Variants in ASIC2 observed in about 807,000 individuals in gnomAD.
The protein encoded by ASIC2 is acid sensing ion channel subunit 2, also known as acid-sensing ion channel 2.
Under a neutral mutation model 57.3 loss-of-function variants are expected in ASIC2, and 25 were observed. The ratio of observed to expected loss-of-function variants is 0.44; its 90% CI spans 0.32 to 0.61. ASIC2 has a LOEUF of 0.61. Ranked by LOEUF, ASIC2 falls within the 20% of genes least tolerant of loss-of-function variation. ASIC2 has a pLI of 0.06. For synonymous variants in ASIC2, 319 were observed against 307.5 expected (o/e 1.04, Z -0.39); for missense variants, 641 against 738.1 (o/e 0.87, Z 1.52).
chr17:33,906,394 G>C (rs191746663), intron 1 of ASIC2, among the ~76,000 whole-genome samples: 2 of 152,256 alleles, frequency 1.3e-5, no homozygotes, highest in Admixed American at 1.3e-4. Context: ...CTCCTAAAAA[G>C]TTCCCCCAGC....
intron 1 of ASIC2, among the ~76,000 whole-genome samples, chr17:33,898,584 G>C (rs1251258951): frequency 6.6e-6 from 1 of 152,020 alleles, no homozygotes; most frequent in East Asian, 1.9e-4. Context: ...TCAAAACCGG[G>C]AAATTAACAG....
chr17:33,845,654 C>T (rs1913573259), intron 1 of ASIC2, among the ~76,000 whole-genome samples: 3 of 152,158 alleles, frequency 2.0e-5, no homozygotes. Flanking sequence ...TGAATACCTG[C>T]CAGATAGAGG....
chr17:33,221,050 C>T (rs1311093646), intron 1 of ASIC2, among the ~76,000 whole-genome samples: 1 of 151,946 alleles, frequency 6.6e-6, no homozygotes, highest in Non-Finnish European at 1.5e-5. Flanking sequence ...CAGCCTGGGC[C>T]ACAGAGAGAG....
At chr17:33,037,130 C>A (rs372395424) in intron 3 of ASIC2, among the ~76,000 whole-genome samples, 314 of 125,442 alleles carry the variant, frequency 2.5e-3, no homozygotes, top group Admixed American at 3.9e-3. Flanking sequence ...GGTGTGGTAG[C>A]AAAAAAAAAA....
rs140544104 is a variant in ASIC2 at position 33,751,658 on chromosome 17, G to A, written c.555+404320C>T. Among the ~76,000 whole-genome samples the A allele has an allele frequency of 2.6e-5, 4 of 152,024 alleles. No individual in the cohort carries two copies. The East Asian group carries it at 5.8e-4, about 22-fold the overall frequency. On this transcript the variant is annotated intron_variant, in intron 1 of 9. Transcript: ENST00000359872. ...ATCCATTCTGTTTTTCAACTCTTCTGTATAACGTTTTGGTTTACTTTTTCT... is the reference window on the plus strand; with the variant it reads ...ATCCATTCTGTTTTTCAACTCTTCTATATAACGTTTTGGTTTACTTTTTCT...
chr17:33,427,763 C>T (rs961652403), intron 1 of ASIC2, among the ~76,000 whole-genome samples: 7 of 152,162 alleles, frequency 4.6e-5, no homozygotes, highest in African/African-American at 7.2e-5. Context: ...GAAAATGGCC[C>T]CCAAAGAACC....
intron 1 of ASIC2, among the ~76,000 whole-genome samples, chr17:34,034,128 C>A (rs1907754139): frequency 1.3e-5 from 2 of 152,162 alleles, no homozygotes; most frequent in South Asian, 4.1e-4. Flanking sequence ...TACTGGCAAA[C>A]CGAATCCAGC....
In ASIC2 at chr17:33,632,490, G is replaced by C. The variant is rs113745026; in HGVS notation, c.556-520423C>G. On this transcript the variant is annotated intron_variant, in intron 1 of 9. Coordinates refer to the ASIC2 transcript ENST00000359872. ...CACATGTTTTGTAGGCCAGTCAGAA[G>C]ATCGTACTCCACCCCTACCCCCAAC... 2.6e-5 allele frequency among the ~76,000 whole-genome samples: 4 copies of C among 152,246 alleles called. 1 individual carries two copies. The highest frequency in any genetic ancestry group is 9.6e-5 in the African/African-American group (4 of 41,544).
chr17:33,295,168 C>G (rs1045600814), upstream of ASIC2, among the ~76,000 whole-genome samples: 2 of 149,858 alleles, frequency 1.3e-5, no homozygotes, highest in Admixed American at 6.7e-5. Context: ...AGCTATTTCC[C>G]CCTTGAAATG....
intron 1 of ASIC2, among the ~76,000 whole-genome samples, chr17:33,487,986 A>T (rs1913628760): frequency 6.6e-6 from 1 of 152,222 alleles, no homozygotes; most frequent in Admixed American, 6.5e-5. Flanking sequence ...CTCAACTTGC[A>T]GATGGCCTAT....
chr17:33,325,781 T>C (rs530354139), intron 1 of ASIC2, among the ~76,000 whole-genome samples: 2 of 151,942 alleles, frequency 1.3e-5, no homozygotes, highest in Non-Finnish European at 2.9e-5. Flanking sequence ...GGAGGGGCAG[T>C]GGTGATGGGA....
intron 1 of ASIC2, among the ~76,000 whole-genome samples, chr17:33,478,731 C>T (rs996615343): frequency 1.1e-4 from 16 of 152,170 alleles, no homozygotes; most frequent in African/African-American, 3.9e-4. Flanking sequence ...GATGGGGAAA[C>T]TGAGGCCCAG....
chr17:33,187,874 G>C (rs1404658360), intron 1 of ASIC2, among the ~76,000 whole-genome samples: 1 of 141,046 alleles, frequency 7.1e-6, no homozygotes, highest in Non-Finnish European at 1.5e-5. Context: ...CATTCATAAC[G>C]CCTGACAGCC....
chr17:33,089,752 T>C (rs1482336167), intron 2 of ASIC2, among the ~76,000 whole-genome samples: 1 of 152,242 alleles, frequency 6.6e-6, no homozygotes, highest in Non-Finnish European at 1.5e-5. Flanking sequence ...AATGCAGGGC[T>C]TTCTTGTATG....
At chr17:33,852,731 C>T (rs1234681390) in intron 1 of ASIC2, among the ~76,000 whole-genome samples, 2 of 152,178 alleles carry the variant, frequency 1.3e-5, no homozygotes, top group Non-Finnish European at 2.9e-5. Context: ...GAAACAATTT[C>T]CCCAAGTTCA....
chr17:33,254,605 C>T (rs977053820), intron 1 of ASIC2, among the ~76,000 whole-genome samples: 1 of 152,122 alleles, frequency 6.6e-6, no homozygotes, highest in Non-Finnish European at 1.5e-5. Context: ...ATCTAGTTGA[C>T]CTCTATTCAT....
intron 1 of ASIC2, among the ~76,000 whole-genome samples, chr17:33,971,341 C>A (rs757863446): frequency 2.6e-5 from 4 of 152,136 alleles, no homozygotes; most frequent in Non-Finnish European, 5.9e-5. Flanking sequence ...CCTGCTGCAA[C>A]CTTCAGAAGG....
At chr17:34,029,821 T>G (rs1041180495) in intron 1 of ASIC2, among the ~76,000 whole-genome samples, 34 of 152,210 alleles carry the variant, frequency 2.2e-4, no homozygotes, top group African/African-American at 2.4e-5. Context: ...TTTTGTTGTT[T>G]AAGCCACCTG....
At chr17:33,363,942 A>G (rs1291119164) in intron 1 of ASIC2, among the ~76,000 whole-genome samples, 9 of 152,268 alleles carry the variant, frequency 5.9e-5, no homozygotes, top group Non-Finnish European at 1.2e-4. Context: ...ACAGTCTGGA[A>G]AGCTGCTTTG....
Sources: allele counts gnomAD v4.1 joint callset (sites outside exome capture counted in the v4.1 genomes callset), GRCh38; gene constraint gnomAD v4.1.1; transcripts MANE v1.5; gene names NCBI Gene and HGNC (gene_info 2026-07-23, HGNC 2026-07-21).